NRG1: variants seen among roughly 807,000 people sequenced by gnomAD.
The protein encoded by NRG1 is pro-neuregulin-1, membrane-bound isoform.
Under a neutral mutation model 63.8 loss-of-function variants are expected in NRG1, and 18 were observed. That is an observed-to-expected ratio of 0.28 (90% confidence interval 0.19 to 0.42). The LOEUF is 0.42. Ranked by LOEUF, NRG1 falls within the 10% of genes least tolerant of loss-of-function variation. The pLI is 1.00. For missense variants in NRG1, 762 were observed against 814.7 expected (o/e 0.94, Z 0.79); for synonymous variants, 302 against 301.3 (o/e 1.00, Z -0.02).
intron 1 of NRG1, among the ~76,000 whole-genome samples, chr8:32,221,738 A>T (rs1845834358): frequency 6.6e-6 from 1 of 152,156 alleles, no homozygotes; most frequent in South Asian, 2.1e-4. Context: ...TTGTTGTTGC[A>T]GTAGACTAAA....
At chr8:32,207,751 A>G (rs1330219329) in intron 1 of NRG1, among the ~76,000 whole-genome samples, 3 of 152,136 alleles carry the variant, frequency 2.0e-5, no homozygotes, top group Non-Finnish European at 4.4e-5. Flanking sequence ...TGACTGTTTG[A>G]CTGAGAACAG....
downstream of NRG1, among the ~76,000 whole-genome samples, chr8:32,771,525 GTTT>G (rs1831787304): frequency 6.7e-6 from 1 of 150,094 alleles, no homozygotes; most frequent in Non-Finnish European, 1.5e-5. Context: ...TTACATTAGT[GTTT>G]TATTATTAAT....
intron 1 of NRG1, among the ~76,000 whole-genome samples, chr8:31,928,393 C>A (rs900863073): frequency 5.0e-5 from 7 of 139,814 alleles, no homozygotes; most frequent in African/African-American, 1.9e-4. Context: ...TTATACACTG[C>A]TGGTGGGAAT....
intron 1 of NRG1, among the ~76,000 whole-genome samples, chr8:31,882,767 G>A (rs545437363): frequency 5.1e-4 from 78 of 152,182 alleles, no homozygotes; most frequent in African/African-American, 1.8e-3. Flanking sequence ...CAGGTGTGAT[G>A]GAAATAGCAA....
At chr8:32,584,827 T>C (rs10954858) in intron 1 of NRG1, among the ~76,000 whole-genome samples, 39,009 of 152,136 alleles carry the variant, frequency 0.26, 5,124 homozygotes, top group South Asian at 0.33. Context: ...TTCATTTATA[T>C]GCACTGCTTA....
At chr8:32,704,129 T>C (rs753731975) in intron 5 of NRG1, among the ~76,000 whole-genome samples, 2 of 152,220 alleles carry the variant, frequency 1.3e-5, no homozygotes, top group Non-Finnish European at 2.9e-5. Flanking sequence ...AGGAATGATA[T>C]ATGCAAGGTG....
chr8:32,105,530 C>T (rs1831154194), intron 1 of NRG1, among the ~76,000 whole-genome samples: 1 of 152,114 alleles, frequency 6.6e-6, no homozygotes, highest in African/African-American at 2.4e-5. Context: ...CAGGTGTCTC[C>T]CACAACACAT....
intron 1 of NRG1, among the ~76,000 whole-genome samples, chr8:31,789,408 G>A (rs1448635651): frequency 6.6e-6 from 1 of 152,190 alleles, no homozygotes; most frequent in African/African-American, 2.4e-5. Context: ...CTTTCAGCCT[G>A]ACTTTCAGGC....
At chr8:31,986,199 G>C (rs776952142) in intron 1 of NRG1, among the ~76,000 whole-genome samples, 3 of 152,036 alleles carry the variant, frequency 2.0e-5, no homozygotes, top group Non-Finnish European at 4.4e-5. Flanking sequence ...TCTTTGGGTA[G>C]ATTTCTCAGA....
intron 1 of NRG1, among the ~76,000 whole-genome samples, chr8:31,657,457 T>C (rs1805539696): frequency 6.6e-6 from 1 of 152,158 alleles, no homozygotes; most frequent in South Asian, 2.1e-4. Context: ...GTTTGTAAAA[T>C]GGGTTGCATA....
chr8:32,274,124 G>T (rs1266922240), intron 1 of NRG1, among the ~76,000 whole-genome samples: 1 of 152,120 alleles, frequency 6.6e-6, no homozygotes, highest in Non-Finnish European at 1.5e-5. Flanking sequence ...CAGTGACTTT[G>T]GGTCATTTTG....
intron 1 of NRG1, among the ~76,000 whole-genome samples, chr8:31,817,210 C>T (rs1264731763): frequency 6.6e-6 from 1 of 152,166 alleles, no homozygotes; most frequent in Non-Finnish European, 1.5e-5. Flanking sequence ...ATTAGTGCAC[C>T]TAAGAATGTT....
At chr8:32,688,927 T>C (rs1001919099) in intron 5 of NRG1, among the ~76,000 whole-genome samples, 3 of 152,208 alleles carry the variant, frequency 2.0e-5, no homozygotes, top group Non-Finnish European at 4.4e-5. Context: ...TTTGTTCTTA[T>C]ATTGCCTAGG....
chr8:31,645,214 A>G (rs947522835), intron 1 of NRG1, among the ~76,000 whole-genome samples: 2 of 152,146 alleles, frequency 1.3e-5, no homozygotes, highest in African/African-American at 4.8e-5. Context: ...TGGCTAGTTT[A>G]CCCCCAACCT....
chr8:31,884,794 T>C (rs539586271), intron 1 of NRG1, among the ~76,000 whole-genome samples: 80 of 151,916 alleles, frequency 5.3e-4, no homozygotes, highest in African/African-American at 1.9e-3. Context: ...CATTTGACAT[T>C]TTTTTTTACA....
chr8:32,608,599 G>A (rs995229380), intron 3 of NRG1, among the ~76,000 whole-genome samples: 3 of 148,538 alleles, frequency 2.0e-5, no homozygotes, highest in African/African-American at 7.3e-5. Context: ...GGCCTAAGGA[G>A]TGAGGGATTC....
At chr8:32,536,514 A>C (rs1013219150) in intron 1 of NRG1, among the ~76,000 whole-genome samples, 5 of 152,144 alleles carry the variant, frequency 3.3e-5, no homozygotes, top group Admixed American at 6.5e-5. Context: ...ACCGACTAAC[A>C]ACTAGTCAAG....
intron 1 of NRG1, among the ~76,000 whole-genome samples, chr8:32,180,428 A>G (rs990228369): frequency 6.6e-6 from 1 of 152,168 alleles, no homozygotes; most frequent in Non-Finnish European, 1.5e-5. Flanking sequence ...GATTACAAAG[A>G]ATGTCAATTA....
chr8:32,149,239 A>G (rs1171214790), intron 1 of NRG1, among the ~76,000 whole-genome samples: 1 of 152,252 alleles, frequency 6.6e-6, no homozygotes, highest in Non-Finnish European at 1.5e-5. Flanking sequence ...TTAGCATTCA[A>G]GAAGCCTGGA....
Sources: allele counts gnomAD v4.1 joint callset (sites outside exome capture counted in the v4.1 genomes callset), GRCh38; gene constraint gnomAD v4.1.1; transcripts MANE v1.5; gene names NCBI Gene and HGNC (gene_info 2026-07-23, HGNC 2026-07-21).